Variants in C1QTNF5 observed in about 807,000 individuals in gnomAD.
C1QTNF5 encodes the protein complement C1q tumor necrosis factor-related protein 5.
A neutral mutation model predicts 10.9 loss-of-function variants in C1QTNF5; 5 were observed. That is an observed-to-expected ratio of 0.46 (90% CI 0.24 to 0.97). The LOEUF (loss-of-function observed/expected upper bound fraction) is 0.97, where lower values mean the gene tolerates loss of function less well. Ranked by LOEUF, C1QTNF5 falls within the 50% of genes least tolerant of loss-of-function variation. The probability of loss-of-function intolerance (pLI) is 0.19; values close to 1 mark genes in which losing one functional copy is unlikely to be tolerated. For synonymous variants in C1QTNF5, 161 were observed against 156.5 expected, an observed-to-expected ratio of 1.03 and a Z score of -0.22; for missense variants, 281 against 339.4, an observed-to-expected ratio of 0.83 and a Z score of 1.35.
upstream of C1QTNF5, chr11:119,342,878 G>A (rs767672258): frequency 4.2e-5 from 68 of 1,612,948 alleles, no homozygotes; most frequent in Non-Finnish European, 4.2e-5. Flanking sequence ...CCTACTCTCC[G>A]TGGCATTGAA....
chr11:119,346,047 G>A, the C1QTNF5 span: 4 of 1,611,150 alleles, frequency 2.5e-6, no homozygotes, highest in Non-Finnish European at 3.4e-6. Flanking sequence ...GGTACTTACG[G>A]GCCAGGATGA....
At chr11:119,341,217 T>G, upstream of C1QTNF5, 1 of 378,460 alleles carries the variant, frequency 2.6e-6, no homozygotes, top group Non-Finnish European at 4.9e-6. Context: ...TACATTTTTG[T>G]TGAATCAAGG....
At chr11:119,342,284 C>T (rs538655104), upstream of C1QTNF5, among the ~76,000 whole-genome samples, 124 of 152,300 alleles carry the variant, frequency 8.1e-4, no homozygotes, top group Non-Finnish European at 1.1e-3. Context: ...ACCCCCTGCT[C>T]TGTGTAAGAG....
At chr11:119,344,054 TG>T, upstream of C1QTNF5, 2 of 1,506,622 alleles carry the variant, frequency 1.3e-6, no homozygotes, top group Non-Finnish European at 1.8e-6. Context: ...CACTGCTGGC[TG>T]GGGGGATGGG....
chr11:119,340,245 GC>G lies in C1QTNF5; in HGVS notation c.152del (p.Gly51AlafsTer80), dbSNP rs1950488173. 6.6e-7 allele frequency: 1 copy of G among 1,514,660 alleles called. No homozygotes were observed. Among genetic ancestry groups the G allele is most frequent in the Non-Finnish European group, 8.8e-7 (1 of 1,134,412 alleles). 93.8% of individuals were successfully genotyped at this position (1,514,660 alleles called of 1,614,324 possible). ...HGSQGLPGRD[G>X]RDGRDGAPGA... ...CGGGCGCGCCGTCGCGGCCGTCGCG[GC>G]CATCGCGGCCCGGCAAGCCCTGGCT... On this transcript the variant is annotated frameshift_variant, in exon 2 of 3. Coordinates refer to ENST00000528368, the MANE Select transcript of C1QTNF5 (RefSeq NM_001278431.2). LOFTEE classifies it high-confidence loss of function.
At position 119,340,055 on chromosome 11, in the gene C1QTNF5, GC is replaced by G; in HGVS notation, c.214+128del. Reference sequence around the variant, plus strand: ...CTCCCGCCGCCTGGGCCCCTCCCCCGCTCAGGGCTGCAAAGCGCGGGGAGTG... The same window carrying G: ...CTCCCGCCGCCTGGGCCCCTCCCCCGTCAGGGCTGCAAAGCGCGGGGAGTG... On this transcript the variant is annotated intron_variant, in intron 2 of 2. Transcript: ENST00000528368. 3 of 1,294,806 alleles carry G rather than the reference GC, an allele frequency of 2.3e-6. No homozygotes were observed. The South Asian group carries it at 5.0e-5, about 21-fold the overall frequency. 80.2% of individuals were successfully genotyped at this position (1,294,806 alleles called of 1,614,324 possible). A position where few individuals can be genotyped will look rare whatever the true frequency, so the allele number is the denominator to read the frequency against.
upstream of C1QTNF5, chr11:119,345,326 C>T: frequency 8.4e-6 from 11 of 1,311,360 alleles, no homozygotes; most frequent in Non-Finnish European, 1.2e-5. Context: ...TCAATTTCTT[C>T]CTCGGTTAGC....
upstream of C1QTNF5, chr11:119,344,485 G>A (rs1320426290): frequency 6.4e-6 from 10 of 1,560,156 alleles, no homozygotes; most frequent in Middle Eastern, 1.7e-4. Context: ...TTTTGGCCAT[G>A]CCCATGGGAA....
intron 2 of C1QTNF5, 144 bp downstream of exon 2, chr11:119,340,040 C>A (rs1950484875): frequency 2.4e-6 from 3 of 1,262,102 alleles, no homozygotes; most frequent in Non-Finnish European, 3.1e-6. Flanking sequence ...CTCCCGCCGC[C>A]TGGGCCCCTC....
At chr11:119,344,046 C>T (rs1433508589), upstream of C1QTNF5, 3 of 1,562,788 alleles carry the variant, frequency 1.9e-6, no homozygotes, top group Non-Finnish European at 1.7e-6. Context: ...TCTTCCCCCA[C>T]TGCTGGCTGG....
Position 119,340,243 on chromosome 11 carries a change from C to T in C1QTNF5, c.155G>A (p.Arg52His). 6.6e-7 allele frequency: 1 copy of T among 1,514,784 alleles called. No homozygotes were observed. Among genetic ancestry groups the T allele is most frequent in the Non-Finnish European group, 8.8e-7 (1 of 1,134,484 alleles). The allele number at this position is 1,514,784 out of a possible 1,614,324, so 93.8% of individuals were successfully genotyped here. Residue 52 changes from arginine (R) to histidine (H), a missense_variant, in exon 2 of 3, where the codon CGC becomes CAC. Arg to His is a conservative substitution (Grantham distance 29). Coordinates refer to ENST00000528368, the MANE Select transcript of C1QTNF5 (RefSeq NM_001278431.2). The stretch of plus-strand genomic sequence containing the variant: ...CCCGGGCGCGCCGTCGCGGCCGTCG[C>T]GGCCATCGCGGCCCGGCAAGCCCTG... ...GSQGLPGRDG[R>H]DGRDGAPGAP...
At chr11:119,346,143 C>A in the C1QTNF5 span, 1 of 1,596,306 alleles carries the variant, frequency 6.3e-7, no homozygotes, top group Non-Finnish European at 8.5e-7. Flanking sequence ...CTGGCCGTAG[C>A]CCTCGAGGAC....
upstream of C1QTNF5, among the ~76,000 whole-genome samples, chr11:119,343,447 G>A (rs973958968): frequency 3.9e-5 from 6 of 152,254 alleles, no homozygotes; most frequent in African/African-American, 1.2e-4. Context: ...AAGCTGGGAG[G>A]TTGAGGCAGC....
At chr11:119,345,565 G>C (rs145285193), upstream of C1QTNF5, 229 of 1,614,054 alleles carry the variant, frequency 1.4e-4, 1 homozygote, top group East Asian at 4.0e-3. Flanking sequence ...TGGGTGTTGG[G>C]GGGGTAAGGG....
upstream of C1QTNF5, chr11:119,344,613 C>T (rs777698284): frequency 1.2e-6 from 2 of 1,613,820 alleles, no homozygotes; most frequent in Non-Finnish European, 1.7e-6. Flanking sequence ...AAGAGAGGAC[C>T]CCCATGCCTG....
chr11:119,343,712 A>G (rs1219000485), upstream of C1QTNF5: 1 of 1,453,088 alleles, frequency 6.9e-7, no homozygotes, highest in African/African-American at 1.4e-5. Flanking sequence ...GGAGTAGCAG[A>G]AGAAAATGAA....
Position 119,339,483 on chromosome 11 carries a change from C to A in C1QTNF5, c.580G>T (p.Gly194Trp). Residue 194 changes from glycine to tryptophan, a missense_variant, in exon 3 of 3, where the codon GGG becomes TGG. Gly to Trp is a radical substitution (Grantham distance 184). Transcript: ENST00000528368. The surrounding 1 kb of genome is among the most constrained non-coding windows in gnomAD (Gnocchi z 5.4). ...GWPKPASLSGGAMVRLEPEDQ... is the reference protein window; with the variant it reads ...GWPKPASLSGWAMVRLEPEDQ... ...TCAGGCTCCAGCCTCACCATGGCCC[C>A]CCCCGAGAGCGAGGCTGGCTTGGGC... The A allele has an allele frequency of 6.2e-7, 1 of 1,614,078 alleles. No individual in the cohort carries two copies. Among genetic ancestry groups the A allele is most frequent in the Non-Finnish European group, 8.5e-7 (1 of 1,180,036 alleles).
upstream of C1QTNF5, chr11:119,341,294 G>C (rs909739525): frequency 1.8e-6 from 1 of 552,816 alleles, no homozygotes; most frequent in Admixed American, 3.2e-5. Flanking sequence ...GGCCTGGATG[G>C]GAAGTGGTCT....
upstream of C1QTNF5, chr11:119,344,892 C>T (rs764241798): frequency 6.2e-7 from 1 of 1,612,948 alleles, no homozygotes; most frequent in East Asian, 2.2e-5. Context: ...GGGGCCATAG[C>T]CTGGTACCAG....
Sources: allele counts gnomAD v4.1 joint callset (sites outside exome capture counted in the v4.1 genomes callset), GRCh38; gene constraint gnomAD v4.1.1; non-coding constraint Gnocchi (gnomAD v3.1); transcripts MANE v1.5; gene names NCBI Gene and HGNC (gene_info 2026-07-23, HGNC 2026-07-21).